Variants in PCDH18 observed in about 807,000 individuals in gnomAD.
PCDH18 encodes the protein protocadherin 18, also known as protocadherin-18.
A neutral mutation model predicts 71.5 loss-of-function variants in PCDH18; 38 were observed. The observed-to-expected ratio is 0.53, with a 90% confidence interval of 0.41 to 0.70. PCDH18 has a LOEUF of 0.70. Ranked by LOEUF, PCDH18 falls within the 30% of genes least tolerant of loss-of-function variation. The pLI is 0.00. For missense variants in PCDH18, 1,334 were observed against 1,384.6 expected (o/e 0.96, Z 0.58); for synonymous variants, 565 against 505.4 (o/e 1.12, Z -1.58).
chr4:137,524,150 G>T (rs1202948859), intron 3 of PCDH18, among the ~76,000 whole-genome samples: 1 of 152,138 alleles, frequency 6.6e-6, no homozygotes, highest in Non-Finnish European at 1.5e-5. Flanking sequence ...GTTGCTCCTT[G>T]AAAGCTCTTA....
intron 3 of PCDH18, 49 bp downstream of exon 3, chr4:137,528,429 G>C (rs748750242): frequency 1.2e-5 from 18 of 1,466,770 alleles, no homozygotes; most frequent in Non-Finnish European, 1.7e-5. Flanking sequence ...CATTTTACTG[G>C]TGTCACGGTA....
intron 3 of PCDH18, among the ~76,000 whole-genome samples, chr4:137,524,712 AG>A (rs1339644748): frequency 5.9e-5 from 9 of 152,198 alleles, no homozygotes; most frequent in Non-Finnish European, 1.5e-5. Context: ...ATAAGCTAAG[AG>A]GGGATTCCAT....
chr4:137,523,098 G>C (rs369862908), intron 3 of PCDH18, among the ~76,000 whole-genome samples: 5 of 152,058 alleles, frequency 3.3e-5, no homozygotes, highest in Non-Finnish European at 4.4e-5. Context: ...TATTATGAGT[G>C]AGAAAAAAGC....
Position 137,530,026 on chromosome 4 carries a change from A to G in PCDH18, c.2063T>C (p.Met688Thr), listed in dbSNP as rs1390589182. The change falls in exon 1 of 4, where the codon ATG becomes ACG. Residue 688 changes from methionine (M) to threonine (T), a missense_variant. By Grantham distance (81) the Met-to-Thr change is moderately conservative. This residue lies in a region of PCDH18 where 1,011 missense variants were observed against 1,048.0 expected (regional missense o/e 0.96). Coordinates refer to ENST00000344876, the MANE Select transcript of PCDH18 (RefSeq NM_019035.5). ...CAAGGATGCCTGGCTTACTGAAGTC[A>G]TTGCTGTACTTGTCACCGACTCTGC... ...EYAESVTSTA[M>T]TSVSQASLDV... is the part of the protein sequence containing the mutation. 3.7e-6 allele frequency: 6 copies of G among 1,614,000 alleles called. No homozygotes were observed. In the Admixed American group the frequency reaches 1.0e-4, roughly 27 times the overall value.
chr4:137,530,207 T>C lies in PCDH18; in HGVS notation c.1882A>G (p.Ile628Val), dbSNP rs1236908661. The change falls in exon 1 of 4, where the codon ATC becomes GTC. Residue 628 changes from isoleucine to valine, a missense_variant. Transcript: ENST00000344876. ...CAIVAGNEEN[I>V]FIIDPRSCDI... ...CATGATCGTGGATCAATTATGAAGA[T>C]ATTCTCCTCATTACCTGCTACTATG... 4 of 1,613,962 alleles carry C rather than the reference T, an allele frequency of 2.5e-6. No homozygotes were observed. The highest frequency in any genetic ancestry group is 8.5e-7 in the Non-Finnish European group (1 of 1,179,908).
At chr4:137,527,716 G>T (rs1303772820) in intron 3 of PCDH18, among the ~76,000 whole-genome samples, 1 of 152,176 alleles carries the variant, frequency 6.6e-6, no homozygotes, top group African/African-American at 2.4e-5. Flanking sequence ...TCCTAAGGTT[G>T]ATTTAATATT....
intron 3 of PCDH18, among the ~76,000 whole-genome samples, chr4:137,524,481 A>G (rs1197521941): frequency 6.6e-6 from 1 of 152,166 alleles, no homozygotes; most frequent in East Asian, 1.9e-4. Flanking sequence ...TGCTAAGGGC[A>G]TGTCAAGAAA....
intron 3 of PCDH18, among the ~76,000 whole-genome samples, chr4:137,522,390 A>G (rs187414849): frequency 1.1e-4 from 17 of 152,264 alleles, no homozygotes; most frequent in Admixed American, 3.9e-4. Context: ...TAGGTCTTAC[A>G]GATGTTCTAA....
At chr4:137,529,423 A>C (rs1731577881) in intron 1 of PCDH18, 179 bp downstream of exon 1, 1 of 480,662 alleles carries the variant, frequency 2.1e-6, no homozygotes. Flanking sequence ...AGGAAAACTA[A>C]AAACAGTATG....
At chr4:137,524,370 C>T (rs1462344878) in intron 3 of PCDH18, among the ~76,000 whole-genome samples, 3 of 151,978 alleles carry the variant, frequency 2.0e-5, no homozygotes, top group Non-Finnish European at 2.9e-5. Context: ...ATGTGAAGTG[C>T]AACAATAGCA....
At position 137,521,352 on chromosome 4, in the gene PCDH18, C is replaced by G; in HGVS notation, c.3085G>C (p.Val1029Leu). 1 of 1,614,142 alleles carries G rather than the reference C, an allele frequency of 6.2e-7. No individual in the cohort carries two copies. Among genetic ancestry groups the G allele is most frequent in the Non-Finnish European group, 8.5e-7 (1 of 1,179,998 alleles). ...SLDTYSECSE[V>L]DRSNSLERRK... is the part of the protein sequence containing the mutation. ...CGCTCCAGGGAGTTGGACCGATCCA[C>G]CTCACTGCATTCAGAATAGGTGTCC... Residue 1029 changes from valine to leucine, a missense_variant, in exon 4 of 4, where the codon GTG (valine) becomes CTG (leucine). By Grantham distance (32) the Val-to-Leu change is conservative (BLOSUM62 1). This residue lies in a region of PCDH18 where 319 missense variants were observed against 316.3 expected (regional missense o/e 1.01). Coordinates refer to ENST00000344876, the MANE Select transcript of PCDH18 (RefSeq NM_019035.5).
rs921455498 is a variant in PCDH18, at chr4:137,530,091, T to C, written c.1998A>G (p.Leu666=). The C allele has an allele frequency of 3.7e-6, 6 of 1,613,904 alleles. No individual in the cohort carries two copies. The highest frequency in any genetic ancestry group is 2.7e-5 in the African/African-American group (2 of 74,930). The part of the protein sequence containing the change: ...VIIQDKGNPQ[L]HTKVLLKCMI... ...TGCACTTCAGAAGGACTTTGGTATG[T>C]AGCTGAGGATTGCCTTTGTCCTGAA... is the stretch of plus-strand genomic sequence containing the variant. Residue 666 remains leucine, a synonymous_variant, in exon 1 of 4, where the codon CTA becomes CTG. Transcript: ENST00000344876.
chr4:137,530,058 A>G lies in PCDH18; in HGVS notation c.2031T>C (p.Phe677=). The G allele has an allele frequency of 1.2e-6, 2 of 1,613,900 alleles. No homozygotes were observed. The highest frequency in any genetic ancestry group is 1.7e-6 in the Non-Finnish European group (2 of 1,179,776). Reference sequence around the variant, plus strand: ...TACTTGTCACCGACTCTGCATATTCAAAGATCATGCACTTCAGAAGGACTT... The same window carrying G: ...TACTTGTCACCGACTCTGCATATTCGAAGATCATGCACTTCAGAAGGACTT... ...HTKVLLKCMI[F]EYAESVTSTA... Residue 677 remains phenylalanine, a synonymous_variant, in exon 1 of 4, where the codon TTT becomes TTC. Coordinates refer to ENST00000344876, the MANE Select transcript of PCDH18 (RefSeq NM_019035.5).
chr4:137,528,379 G>A (rs1395117937), intron 3 of PCDH18, 99 bp downstream of exon 3: 1 of 903,068 alleles, frequency 1.1e-6, no homozygotes, highest in Non-Finnish European at 1.8e-6. Context: ...TTAGTGCAAG[G>A]GACAAATAAA....
chr4:137,531,792 C>A lies in PCDH18; in HGVS notation c.297G>T (p.Gln99His). 1 of 1,614,164 alleles carries A rather than the reference C, an allele frequency of 6.2e-7. No individual in the cohort carries two copies. Among genetic ancestry groups the A allele is most frequent in the South Asian group, 1.1e-5 (1 of 91,084 alleles). The change falls in exon 1 of 4, where the codon CAG becomes CAT. Residue 99 changes from glutamine (Q) to histidine (H), a missense_variant. Transcript: ENST00000344876. Reference sequence around the variant, plus strand: ...ACTCTATGGAACAGTTCAAGTTTTTCTGGCACAGTTGTTCACGGTCAATTG... The same window carrying A: ...ACTCTATGGAACAGTTCAAGTTTTTATGGCACAGTTGTTCACGGTCAATTG... The part of the protein sequence containing the change: ...GATIDREQLC[Q>H]KNLNCSIEFD...
In PCDH18 at chr4:137,519,375, A is replaced by G. The variant is rs1052559363; in HGVS notation, c.*1654T>C. On this transcript the variant is annotated 3_prime_UTR_variant, in exon 4 of 4. Coordinates refer to ENST00000344876, the MANE Select transcript of PCDH18 (RefSeq NM_019035.5). The stretch of plus-strand genomic sequence containing the variant: ...GATACCTTTTTATCCTGCACAATTT[A>G]ATACAAAATGTCCTAAGAAAGTATT... 1 of 152,226 alleles carries G rather than the reference A, an allele frequency of 6.6e-6. No homozygotes were observed. The allele number at this position is 152,226 out of a possible 1,614,324, so 9.4% of individuals were successfully genotyped here.
chr4:137,523,608 C>G (rs1165780548), intron 3 of PCDH18, among the ~76,000 whole-genome samples: 3 of 151,954 alleles, frequency 2.0e-5, no homozygotes, highest in Non-Finnish European at 4.4e-5. Context: ...TTGGGAAGGA[C>G]TTAGTTGTTT....
At position 137,519,050 on chromosome 4, in the gene PCDH18, TG is replaced by T. The variant is rs1387494679; in HGVS notation, c.*1978del. ...GAGGATATAAAAGTCTTTTTCTTAA[TG>T]GTAATATATACTGAAAGGAAGTGAA... On this transcript the variant is annotated 3_prime_UTR_variant, in exon 4 of 4. Coordinates refer to ENST00000344876, the MANE Select transcript of PCDH18 (RefSeq NM_019035.5). 2 of 152,328 alleles carry T rather than the reference TG, an allele frequency of 1.3e-5. No individual in the cohort carries two copies. Among genetic ancestry groups the T allele is most frequent in the African/African-American group, 2.4e-5 (1 of 41,582 alleles). The allele number at this position is 152,328 out of a possible 1,614,324, so 9.4% of individuals were successfully genotyped here. A position where few individuals can be genotyped will look rare whatever the true frequency, so the allele number is the denominator to read the frequency against.
chr4:137,531,350 C>G lies in PCDH18; in HGVS notation c.739G>C (p.Glu247Gln). 1 of 1,613,842 alleles carries G rather than the reference C, an allele frequency of 6.2e-7. No homozygotes were observed. The highest frequency in any genetic ancestry group is 1.7e-4 in the Middle Eastern group (1 of 6,058). ...AGTTGTATTATATAAGATTGCTGCT[C>G]AAAAGCAGGGCTGTTGTCATTGGAG... The part of the protein sequence containing the change: ...SDSNDNSPAF[E>Q]QQSYIIQLLE... The change falls in exon 1 of 4, where the codon GAG becomes CAG. Residue 247 changes from glutamate (E) to glutamine (Q), a missense_variant. This residue lies in a region of PCDH18 where 1,011 missense variants were observed against 1,048.0 expected (regional missense o/e 0.96). Coordinates refer to ENST00000344876, the MANE Select transcript of PCDH18 (RefSeq NM_019035.5).
Sources: gnomAD v4.1 joint callset for allele counts (sites outside exome capture counted in the v4.1 genomes callset) on GRCh38, gnomAD v4.1.1 for gene constraint, gnomAD v4.1.1 regional missense constraint, MANE v1.5 for transcripts, NCBI Gene and HGNC (gene_info 2026-07-23, HGNC 2026-07-21) for gene names.